The following LCORL variants were observed in gnomAD, a reference collection of about 807,000 sequenced individuals.
The protein encoded by LCORL is ligand-dependent nuclear receptor corepressor-like protein.
A neutral mutation model predicts 141.8 loss-of-function variants in LCORL; 41 were observed. The ratio of observed to expected loss-of-function variants is 0.29; its 90% CI spans 0.23 to 0.38. The LOEUF is 0.38. Among genes scored for constraint, LCORL ranks in the 10% least tolerant of loss-of-function variants. The pLI, the probability that LCORL is intolerant of heterozygous loss-of-function variation, is 1.00. For missense variants in LCORL, 1,759 were observed against 2,035.0 expected (o/e 0.86, Z 2.61); for synonymous variants, 618 against 694.1 (o/e 0.89, Z 1.72).
chr4:17,985,461 C>T (rs1172370053), intron 1 of LCORL, among the ~76,000 whole-genome samples: 2 of 152,110 alleles, frequency 1.3e-5, no homozygotes, highest in African/African-American at 4.8e-5. Context: ...CTGCTGGGTG[C>T]ATATATATCT....
chr4:17,961,993 T>C, exon 4 of LCORL: 2 of 1,609,474 alleles, frequency 1.2e-6, no homozygotes, highest in African/African-American at 1.3e-5. Flanking sequence ...AGCTCCTCTG[T>C]TGGTGTTGAC....
chr4:17,994,563 A>C (rs1720588360), intron 1 of LCORL, among the ~76,000 whole-genome samples: 1 of 152,194 alleles, frequency 6.6e-6, no homozygotes, highest in African/African-American at 2.4e-5. Context: ...TAATTGTTAC[A>C]TGCTTTAAAT....
chr4:17,899,812 C>T (rs575018569), intron 5 of LCORL, among the ~76,000 whole-genome samples: 1 of 152,140 alleles, frequency 6.6e-6, no homozygotes, highest in Non-Finnish European at 1.5e-5. Flanking sequence ...GAGTACTTAA[C>T]ATGAACTGCT....
intron 2 of LCORL, among the ~76,000 whole-genome samples, chr4:17,970,487 G>T (rs1234215356): frequency 2.0e-5 from 3 of 152,158 alleles, no homozygotes; most frequent in African/African-American, 7.2e-5. Context: ...GAATACACAA[G>T]GTAGTATTTC....
intron 4 of LCORL, among the ~76,000 whole-genome samples, chr4:17,950,356 A>C (rs952683874): frequency 6.6e-6 from 1 of 152,182 alleles, no homozygotes; most frequent in African/African-American, 2.4e-5. Context: ...ATTATTTCTG[A>C]AGACAATATT....
intron 5 of LCORL, chr4:17,893,366 C>T (rs1729403310): frequency 2.1e-6 from 2 of 953,206 alleles, no homozygotes; most frequent in Non-Finnish European, 2.5e-6. Context: ...TACTATTGAG[C>T]TAAGTAAATG....
intron 4 of LCORL, among the ~76,000 whole-genome samples, chr4:17,930,784 AT>A (rs1735910972): frequency 6.6e-6 from 1 of 152,210 alleles, no homozygotes; most frequent in South Asian, 2.1e-4. Context: ...ATGAGATACT[AT>A]TTCACGGATA....
At chr4:17,894,966 T>G (rs1246270606) in intron 5 of LCORL, among the ~76,000 whole-genome samples, 2 of 151,454 alleles carry the variant, frequency 1.3e-5, no homozygotes, top group Non-Finnish European at 2.9e-5. Flanking sequence ...CTGACCCCTC[T>G]GTTGTAAAGT....
chr4:17,932,171 C>A (rs1396467338), intron 4 of LCORL, among the ~76,000 whole-genome samples: 1 of 152,078 alleles, frequency 6.6e-6, no homozygotes, highest in Non-Finnish European at 1.5e-5. Context: ...TTAGGCATGT[C>A]TTGTCAATAT....
intron 7 of LCORL, among the ~76,000 whole-genome samples, chr4:17,856,309 G>C (rs1040660089): frequency 1.3e-5 from 2 of 152,182 alleles, no homozygotes; most frequent in African/African-American, 4.8e-5. Context: ...GGACCTTTAG[G>C]AGGTAATTAA....
intron 1 of LCORL, among the ~76,000 whole-genome samples, chr4:17,996,794 CCT>C (rs763016435): frequency 3.9e-5 from 6 of 151,946 alleles, no homozygotes; most frequent in African/African-American, 9.7e-5. Flanking sequence ...TTCACTAAAA[CCT>C]CTCTCTCAAG....
At chr4:17,866,778 AACTGTT>A (rs1302310766) in intron 7 of LCORL, among the ~76,000 whole-genome samples, 1 of 152,196 alleles carries the variant, frequency 6.6e-6, no homozygotes, top group Non-Finnish European at 1.5e-5. Context: ...ATGACAAGAA[AACTGTT>A]ACTGCCCAGG....
At chr4:17,886,014 C>G (rs1168663128) in intron 6 of LCORL, 54 bp downstream of exon 6, 1 of 1,003,252 alleles carries the variant, frequency 1.0e-6, no homozygotes, top group African/African-American at 1.7e-5. Flanking sequence ...TAAGAGTTCT[C>G]TGCAGAGATA....
chr4:17,900,937 A>C (rs1397246740), intron 5 of LCORL, among the ~76,000 whole-genome samples: 1 of 152,112 alleles, frequency 6.6e-6, no homozygotes, highest in Admixed American at 6.6e-5. Flanking sequence ...TCTTAAGTAG[A>C]ATAAAGAAAG....
chr4:17,977,571 A>G (rs1442467115), intron 1 of LCORL, among the ~76,000 whole-genome samples: 3 of 152,220 alleles, frequency 2.0e-5, no homozygotes, highest in African/African-American at 7.2e-5. Context: ...CCTCTGTTCA[A>G]ATCATTTGCA....
chr4:17,913,008 G>T, intron 4 of LCORL: 2 of 290,720 alleles, frequency 6.9e-6, no homozygotes, highest in Non-Finnish European at 1.3e-5. Flanking sequence ...GCTCTGGGGA[G>T]GAGGAGGCCA....
At chr4:17,946,895 T>C (rs1024892169) in intron 4 of LCORL, among the ~76,000 whole-genome samples, 1 of 151,958 alleles carries the variant, frequency 6.6e-6, no homozygotes, top group African/African-American at 2.4e-5. Flanking sequence ...AGGGAACCCA[T>C]GTGCACTGTT....
intron 3 of LCORL, 33 bp downstream of exon 3, chr4:17,962,937 G>C (rs775314736): frequency 1.3e-5 from 16 of 1,239,808 alleles, no homozygotes; most frequent in Admixed American, 2.4e-5. Flanking sequence ...TTGTGCATTA[G>C]TTTAAAGATA....
chr4:17,906,855 T>C (rs1266359267), intron 5 of LCORL, among the ~76,000 whole-genome samples: 1 of 151,996 alleles, frequency 6.6e-6, no homozygotes, highest in East Asian at 1.9e-4. Flanking sequence ...CCCAGCTAAT[T>C]TTTGTATTTT....
Sources: allele counts gnomAD v4.1 joint callset (sites outside exome capture counted in the v4.1 genomes callset), GRCh38; gene constraint gnomAD v4.1.1; transcripts MANE v1.5; gene names NCBI Gene and HGNC (gene_info 2026-07-23, HGNC 2026-07-21).